NCOR2: variants seen among roughly 807,000 people sequenced by gnomAD.
NCOR2 encodes CTG repeat protein 26.
A neutral mutation model predicts 262.9 loss-of-function variants in NCOR2; 81 were observed. The observed-to-expected ratio is 0.31, with a 90% CI of 0.26 to 0.37. The LOEUF is 0.37. Ranked by LOEUF, NCOR2 falls within the 10% of genes least tolerant of loss-of-function variation. NCOR2 has a pLI of 1.00. For missense variants in NCOR2, 3,385 were observed against 3,621.4 expected, an observed-to-expected ratio of 0.93 and a Z score of 1.68; for synonymous variants, 1,659 against 1,559.3, an observed-to-expected ratio of 1.06 and a Z score of -1.51.
chr12:124,473,233 A>C, intron 3 of NCOR2, 102 bp from the exon 6 acceptor site: 1 of 1,359,670 alleles, frequency 7.4e-7, no homozygotes, highest in Non-Finnish European at 1.0e-6. Flanking sequence ...GGATTGAAGG[A>C]GGCAAAGTAT....
At chr12:124,476,902 T>TAA (rs60593594) in intron 3 of NCOR2, among the ~76,000 whole-genome samples, 13,500 of 142,026 alleles carry the variant, frequency 0.095, 711 homozygotes, top group East Asian at 0.17. Flanking sequence ...CCATCTTTAT[T>TAA]AAAAAAAAAA....
chr12:124,371,438 G>A (rs2039506908), intron 20 of NCOR2, among the ~76,000 whole-genome samples: 1 of 152,234 alleles, frequency 6.6e-6, no homozygotes, highest in South Asian at 2.1e-4. Context: ...AGATGAAGCT[G>A]CACTAGATTA....
chr12:124,500,508 G>A (rs543823847), intron 1 of NCOR2, among the ~76,000 whole-genome samples: 5 of 152,178 alleles, frequency 3.3e-5, no homozygotes, highest in East Asian at 1.9e-4. Flanking sequence ...CTGGCTGTCC[G>A]CCTTGCCTCC....
At chr12:124,329,084 T>G (rs867071133) in intron 44 of NCOR2, 3 of 469,828 alleles carry the variant, frequency 6.4e-6, no homozygotes, top group African/African-American at 6.0e-5. Context: ...CGATCTCCAT[T>G]TATAAAGGTG....
At chr12:124,367,998 G>A (rs530448880) in intron 20 of NCOR2, among the ~76,000 whole-genome samples, 3 of 152,348 alleles carry the variant, frequency 2.0e-5, no homozygotes, top group East Asian at 1.9e-4. Flanking sequence ...TGGGTGGGGC[G>A]GGGACTCTCA....
At chr12:124,372,788 C>G (rs2039604892) in intron 19 of NCOR2, among the ~76,000 whole-genome samples, 178 bp from the exon 22 acceptor site, 1 of 152,174 alleles carries the variant, frequency 6.6e-6, no homozygotes, top group African/African-American at 2.4e-5. Flanking sequence ...AGCCCCTGAC[C>G]AGGCCCCTAC....
intron 7 of NCOR2, among the ~76,000 whole-genome samples, chr12:124,445,158 C>G (rs769246403): frequency 6.6e-6 from 1 of 152,224 alleles, no homozygotes; most frequent in Non-Finnish European, 1.5e-5. Context: ...GGGCAACCCC[C>G]GGGCAGGCAG....
At chr12:124,544,642 G>T (rs1055790412) in intron 1 of NCOR2, among the ~76,000 whole-genome samples, 6 of 152,064 alleles carry the variant, frequency 3.9e-5, no homozygotes, top group Non-Finnish European at 5.9e-5. Flanking sequence ...ACACCCGCCC[G>T]GGCCCAGGGT....
intron 7 of NCOR2, among the ~76,000 whole-genome samples, chr12:124,445,362 TC>T (rs2045081716): frequency 6.6e-6 from 1 of 151,966 alleles, no homozygotes; most frequent in African/African-American, 2.4e-5. Flanking sequence ...GTCTGAGCGC[TC>T]CCTCCTGCAG....
intron 12 of NCOR2, 79 bp downstream of exon 14, chr12:124,422,422 G>A: frequency 6.4e-7 from 1 of 1,559,602 alleles, no homozygotes; most frequent in Non-Finnish European, 8.8e-7. Flanking sequence ...TGGGCAAGGA[G>A]GGAGGGCCTC....
upstream of NCOR2, among the ~76,000 whole-genome samples, chr12:124,536,347 G>A (rs942129903): frequency 2.0e-5 from 3 of 152,170 alleles, no homozygotes; most frequent in Non-Finnish European, 4.4e-5. Context: ...CAAAGTGCTA[G>A]GATTACAGGT....
At chr12:124,462,005 C>A (rs1333454993) in intron 5 of NCOR2, among the ~76,000 whole-genome samples, 1 of 152,226 alleles carries the variant, frequency 6.6e-6, no homozygotes, top group Non-Finnish European at 1.5e-5. Flanking sequence ...TGCCCGCATA[C>A]ACACACCCAA....
intron 17 of NCOR2, among the ~76,000 whole-genome samples, chr12:124,384,580 C>T (rs369849484): frequency 2.0e-5 from 3 of 152,286 alleles, no homozygotes; most frequent in African/African-American, 4.8e-5. Context: ...AGAACCCACT[C>T]GGGAGGGTGG....
chr12:124,552,290 G>C (rs998685813), intron 1 of NCOR2, among the ~76,000 whole-genome samples: 1 of 151,974 alleles, frequency 6.6e-6, no homozygotes, highest in Non-Finnish European at 1.5e-5. Flanking sequence ...CTGGACTCCA[G>C]CTTGGGCAAC....
chr12:124,486,632 G>A (rs2136827128), intron 1 of NCOR2, 64 bp from the exon 4 acceptor site: 1 of 1,508,998 alleles, frequency 6.6e-7, no homozygotes, highest in African/African-American at 1.4e-5. Flanking sequence ...GCACGGCAGG[G>A]CACAGTGGGC....
chr12:124,359,597 C>T lies in NCOR2; in HGVS notation c.3100+2529G>A, dbSNP rs374935169. ...GCCTCACATCTGGAGATCCTGCAAA[C>T]GCCCTGGACCTGGCCCCTCTGGCTA... On this transcript the variant is annotated intron_variant, in intron 22 of 46. Coordinates refer to ENST00000405201, the Ensembl canonical transcript of NCOR2. Among the ~76,000 whole-genome samples, 5 of 152,356 alleles carry T rather than the reference C, an allele frequency of 3.3e-5. No individual in the cohort carries two copies. The South Asian group carries it at 6.2e-4, about 19-fold the overall frequency.
chr12:124,426,841 AG>A, intron 10 of NCOR2, 41 bp from the exon 13 acceptor site: 2 of 1,517,602 alleles, frequency 1.3e-6, no homozygotes, highest in Non-Finnish European at 1.8e-6. Flanking sequence ...CCCAGGGACG[AG>A]GTGCTCCGGC....
rs932080932 is a variant in NCOR2, at chr12:124,503,072, C to T, written c.-117-7704G>A. On this transcript the variant is annotated intron_variant, in intron 1 of 46. Coordinates refer to the NCOR2 transcript ENST00000404621. This position sits in a 1 kb window ranked among gnomAD's most constrained non-coding sequence, Gnocchi z 4.3. ...AGGGTCAAATACTAAGAGCTCAATCCCGGGTGCCACCCACAAGGGTGCGGT... is the reference window on the plus strand; with the variant it reads ...AGGGTCAAATACTAAGAGCTCAATCTCGGGTGCCACCCACAAGGGTGCGGT... 2.6e-5 allele frequency among the ~76,000 whole-genome samples: 4 copies of T among 152,234 alleles called. No individual in the cohort carries two copies. The highest frequency in any genetic ancestry group is 4.8e-5 in the African/African-American group (2 of 41,470).
chr12:124,356,494 CCT>C, intron 23 of NCOR2, 146 bp downstream of exon 25: 1 of 705,290 alleles, frequency 1.4e-6, no homozygotes, highest in Non-Finnish European at 2.0e-6. Flanking sequence ...AAGATCTCCC[CCT>C]TTCCCTCCAC....
Sources: allele counts gnomAD v4.1 joint callset (sites outside exome capture counted in the v4.1 genomes callset), GRCh38; gene constraint gnomAD v4.1.1; non-coding constraint Gnocchi (gnomAD v3.1); transcripts MANE v1.5; gene names NCBI Gene and HGNC (gene_info 2026-07-23, HGNC 2026-07-21).